The following ZNRF1 variants were observed in gnomAD, a reference collection of about 807,000 sequenced individuals.
ZNRF1 encodes the protein zinc and ring finger 1.
A neutral mutation model predicts 18.4 loss-of-function variants in ZNRF1; 3 were observed. The observed-to-expected ratio is 0.16, with a 90% CI of 0.07 to 0.42. The LOEUF (loss-of-function observed/expected upper bound fraction) is 0.42, where lower values mean the gene tolerates loss of function less well. Among genes scored for constraint, ZNRF1 ranks in the 10% least tolerant of loss-of-function variants. The pLI is 0.99. For missense variants in ZNRF1, 310 were observed against 329.8 expected, an observed-to-expected ratio of 0.94 and a Z score of 0.47; for synonymous variants, 157 against 144.2, an observed-to-expected ratio of 1.09 and a Z score of -0.64.
At position 75,056,629 on chromosome 16, in the gene ZNRF1, T is replaced by C. The variant is rs183226873; in HGVS notation, c.425-36943T>C. Among the ~76,000 whole-genome samples the C allele has an allele frequency of 1.2e-4, 19 of 152,258 alleles. No homozygotes were observed. The East Asian group carries it at 3.1e-3, about 25-fold the overall frequency. ...GGACTTGGTTCATGGAAAAACCTTTTTTTTTTTTATTCCTTTGAGACAGTT... is the reference window on the plus strand; with the variant it reads ...GGACTTGGTTCATGGAAAAACCTTTCTTTTTTTTATTCCTTTGAGACAGTT... On this transcript the variant is annotated intron_variant, in intron 1 of 4. Transcript: ENST00000335325.
chr16:75,102,967 A>C lies in ZNRF1; in HGVS notation c.521-1817A>C, dbSNP rs575364081. 3.9e-5 allele frequency among the ~76,000 whole-genome samples: 6 copies of C among 152,022 alleles called. No homozygotes were observed. In the East Asian group the frequency reaches 1.2e-3, roughly 29 times the overall value. ...CCTGTGCCCAGAATCTCCCGTCCCC[A>C]CCCCAGCTTCATCCATCCTCCACCT... is the stretch of plus-strand genomic sequence containing the variant. On this transcript the variant is annotated intron_variant, in intron 2 of 4. Coordinates refer to ENST00000335325, the MANE Select transcript of ZNRF1 (RefSeq NM_032268.5).
intron 2 of ZNRF1, among the ~76,000 whole-genome samples, chr16:75,102,502 T>G (rs1381960771): frequency 1.3e-5 from 2 of 152,218 alleles, no homozygotes; most frequent in Non-Finnish European, 2.9e-5. Context: ...CTCTGCCTTC[T>G]TCACAGCTGA....
chr16:75,056,685 G>C (rs2035672447), intron 1 of ZNRF1, among the ~76,000 whole-genome samples: 1 of 151,656 alleles, frequency 6.6e-6, no homozygotes, highest in Non-Finnish European at 1.5e-5. Context: ...GGAGTGCAAT[G>C]TCATGATCTC....
At position 75,032,666 on chromosome 16, in the gene ZNRF1, A is replaced by C. The variant is rs565116874; in HGVS notation, c.424+32571A>C. 1.6e-4 allele frequency among the ~76,000 whole-genome samples: 25 copies of C among 152,344 alleles called. No individual in the cohort carries two copies. In the South Asian group the frequency reaches 4.8e-3, roughly 29 times the overall value. On this transcript the variant is annotated intron_variant, in intron 1 of 4. Transcript: ENST00000335325. ...AATCATGTTCTGATAAGGAATTAGT[A>C]TATCTAAAATGTATAAAAATGTCTT...
intron 2 of ZNRF1, among the ~76,000 whole-genome samples, chr16:75,098,133 G>A (rs1216723879): frequency 3.3e-5 from 5 of 152,222 alleles, no homozygotes; most frequent in Non-Finnish European, 5.9e-5. Flanking sequence ...CCTACAGGAG[G>A]GCGAGGAGGG....
chr16:75,080,108 G>A (rs1183055704), intron 1 of ZNRF1, among the ~76,000 whole-genome samples: 4 of 152,224 alleles, frequency 2.6e-5, no homozygotes, highest in East Asian at 1.9e-4. Context: ...TAGAGATGGG[G>A]TTTCACTATG....
intron 1 of ZNRF1, among the ~76,000 whole-genome samples, chr16:75,035,882 A>G (rs2035370424): frequency 6.6e-6 from 1 of 152,094 alleles, no homozygotes; most frequent in Non-Finnish European, 1.5e-5. Flanking sequence ...AAACTCTGCC[A>G]TTTTGCCTCT....
rs1303808536 is a variant in ZNRF1 at position 75,039,700 on chromosome 16, C to G, written c.424+39605C>G. ...ATTTATGGGCCCCACCCCAGACCTA[C>G]TGAATCCAGTGGGAAGAGAGGGGTT... On this transcript the variant is annotated intron_variant, in intron 1 of 4. Transcript: ENST00000335325. 2.0e-5 allele frequency among the ~76,000 whole-genome samples: 3 copies of G among 152,208 alleles called. 1 individual carries two copies. The highest frequency in any genetic ancestry group is 4.4e-5 in the Non-Finnish European group (3 of 68,036).
At chr16:75,045,716 C>CT (rs895489865) in intron 1 of ZNRF1, among the ~76,000 whole-genome samples, 1,895 of 130,342 alleles carry the variant, frequency 0.015, 25 homozygotes, top group African/African-American at 0.03. Context: ...TCTTCTTCGT[C>CT]TTTTTTTTTT....
At chr16:75,093,123 G>T (rs2036159161) in intron 1 of ZNRF1, among the ~76,000 whole-genome samples, 1 of 152,206 alleles carries the variant, frequency 6.6e-6, no homozygotes, top group South Asian at 2.1e-4. Context: ...GGTGGCTCAT[G>T]CCTGTAATCT....
chr16:75,014,146 A>T (rs919169366), intron 1 of ZNRF1, among the ~76,000 whole-genome samples: 13 of 152,282 alleles, frequency 8.5e-5, no homozygotes, highest in Admixed American at 2.6e-4. Context: ...TTATTTTTTT[A>T]AAAATGAAAT....
chr16:75,049,845 T>TTGTGTGTGTGTGTGTGTGTG lies in ZNRF1; in HGVS notation c.425-43720_425-43701dup, dbSNP rs56377786. On this transcript the variant is annotated intron_variant, in intron 1 of 4. Transcript: ENST00000335325. The stretch of plus-strand genomic sequence containing the variant: ...TCTCATCACTTTCACATGCACCCAT[T>TTGTGTGTGTGTGTGTGTGTG]TGTGTGTGTGTGTGTGTGTGTGTGT... Among the ~76,000 whole-genome samples the TTGTGTGTGTGTGTGTGTGTG allele has an allele frequency of 5.8e-3, 864 of 149,376 alleles. 8 individuals are homozygous for TTGTGTGTGTGTGTGTGTGTG. Among genetic ancestry groups the TTGTGTGTGTGTGTGTGTGTG allele is most frequent in the African/African-American group, 0.019 (778 of 40,502 alleles).
At chr16:75,000,616 G>A (rs964032922) in intron 1 of ZNRF1, among the ~76,000 whole-genome samples, 1 of 152,230 alleles carries the variant, frequency 6.6e-6, no homozygotes, top group Non-Finnish European at 1.5e-5. Flanking sequence ...CTGGAGATCT[G>A]TTTGAAATGT....
chr16:75,028,787 T>G (rs1282451258), intron 1 of ZNRF1, among the ~76,000 whole-genome samples: 1 of 152,234 alleles, frequency 6.6e-6, no homozygotes, highest in Non-Finnish European at 1.5e-5. Context: ...AGTTCTCAGT[T>G]TGGGAAAAGT....
At chr16:75,060,752 A>G (rs139366399) in intron 1 of ZNRF1, among the ~76,000 whole-genome samples, 1,721 of 152,226 alleles carry the variant, frequency 0.011, 25 homozygotes, top group African/African-American at 0.033. Flanking sequence ...TGCTGAGATT[A>G]CAGGCGTGAG....
intron 1 of ZNRF1, among the ~76,000 whole-genome samples, chr16:75,076,709 A>AT (rs972953456): frequency 6.7e-6 from 1 of 149,678 alleles, no homozygotes; most frequent in African/African-American, 2.4e-5. Context: ...CTCCCCCAAA[A>AT]TTCATGTGTT....
chr16:75,010,437 A>T (rs779036211), intron 1 of ZNRF1, among the ~76,000 whole-genome samples: 1 of 152,230 alleles, frequency 6.6e-6, no homozygotes, highest in South Asian at 2.1e-4. Flanking sequence ...TGCTCAAAAT[A>T]AAGAATTTAA....
intron 1 of ZNRF1, among the ~76,000 whole-genome samples, chr16:75,008,029 A>T (rs908047243): frequency 6.6e-6 from 1 of 151,926 alleles, no homozygotes; most frequent in Non-Finnish European, 1.5e-5. Flanking sequence ...CCATGACCAG[A>T]TAATTTTTTT....
At chr16:75,055,918 T>C (rs1226939324) in intron 1 of ZNRF1, among the ~76,000 whole-genome samples, 1 of 152,222 alleles carries the variant, frequency 6.6e-6, no homozygotes, top group Non-Finnish European at 1.5e-5. Flanking sequence ...AATGTTTCTG[T>C]TCCAGTATTT....
Sources: allele counts gnomAD v4.1 joint callset (sites outside exome capture counted in the v4.1 genomes callset), GRCh38; gene constraint gnomAD v4.1.1; transcripts MANE v1.5; gene names NCBI Gene and HGNC (gene_info 2026-07-23, HGNC 2026-07-21).